Variants in SLCO3A1 observed in about 807,000 individuals in gnomAD.
The protein encoded by SLCO3A1 is solute carrier organic anion transporter family member 3A1.
In SLCO3A1, 27 loss-of-function variants were observed where a neutral mutation model predicts 63.1. The observed-to-expected ratio is 0.43, with a 90% CI of 0.32 to 0.59. The LOEUF is 0.59. Among genes scored for constraint, SLCO3A1 ranks in the 20% least tolerant of loss-of-function variants. SLCO3A1 has a pLI of 0.09. For synonymous variants in SLCO3A1, 473 were observed against 409.9 expected, an observed-to-expected ratio of 1.15 and a Z score of -1.86; for missense variants, 773 against 945.8, an observed-to-expected ratio of 0.82 and a Z score of 2.40.
rs533809974 is a variant in SLCO3A1 at position 92,137,237 on chromosome 15, T to C, written c.1512+8748T>C. Among the ~76,000 whole-genome samples, 25 of 125,036 alleles carry C rather than the reference T, an allele frequency of 2.0e-4. 1 individual carries two copies. The highest frequency in any genetic ancestry group is 3.5e-3 in the Middle Eastern group (1 of 286). 82.0% of individuals were successfully genotyped at this position (125,036 alleles called of 152,430 possible). ...GAATATGCTGTGTTTGGTTTTTTGT[T>C]CTTGTGATAGTTTACTGAGAATGAT... On this transcript the variant is annotated intron_variant, in intron 7 of 9. Transcript: ENST00000318445.
chr15:91,990,699 G>T (rs1288610671), intron 2 of SLCO3A1, among the ~76,000 whole-genome samples: 1 of 151,078 alleles, frequency 6.6e-6, no homozygotes, highest in Non-Finnish European at 1.5e-5. Flanking sequence ...AAACCCTCCT[G>T]CCTTTCCAGA....
At chr15:91,998,370 C>T (rs12907322) in intron 2 of SLCO3A1, among the ~76,000 whole-genome samples, 4,906 of 152,158 alleles carry the variant, frequency 0.032, 103 homozygotes, top group Non-Finnish European at 0.048. Flanking sequence ...ACGAGAATCA[C>T]TTGACCCTGG....
At chr15:92,129,150 G>A (rs1009209703) in intron 7 of SLCO3A1, among the ~76,000 whole-genome samples, 5 of 152,198 alleles carry the variant, frequency 3.3e-5, no homozygotes, top group East Asian at 3.9e-4. Context: ...TGGAGGCCCC[G>A]CCCCCATCTC....
At chr15:91,889,355 C>T in intron 1 of SLCO3A1, 1 of 350,698 alleles carries the variant, frequency 2.9e-6, no homozygotes, top group Non-Finnish European at 5.5e-6. Flanking sequence ...TTATCCTAGC[C>T]CTTCAATTTC....
At chr15:92,039,809 C>G (rs1325718858) in intron 2 of SLCO3A1, among the ~76,000 whole-genome samples, 1 of 152,106 alleles carries the variant, frequency 6.6e-6, no homozygotes, top group African/African-American at 2.4e-5. Flanking sequence ...AGACATGGAA[C>G]CAACCCAAAT....
At position 92,163,189 on chromosome 15, in the gene SLCO3A1, TAAAAAAAG is replaced by T. The variant is rs2048462282; in HGVS notation, c.*63_*70del. ...AGTAATCCAAGGGTCATTTTTTTCTTAAAAAAAGAAAAAAAGGTTCCAAAAAAAACCAA... is the reference window on the plus strand; with the variant it reads ...AGTAATCCAAGGGTCATTTTTTTCTTAAAAAAAGGTTCCAAAAAAAACCAA... On this transcript the variant is annotated 3_prime_UTR_variant, in exon 10 of 10. Transcript: ENST00000318445. 1 of 1,413,864 alleles carries T rather than the reference TAAAAAAAG, an allele frequency of 7.1e-7. No homozygotes were observed. Among genetic ancestry groups the T allele is most frequent in the South Asian group, 1.8e-5 (1 of 54,520 alleles). The allele number at this position is 1,413,864 out of a possible 1,614,324, so 87.6% of individuals were successfully genotyped here.
intron 2 of SLCO3A1, among the ~76,000 whole-genome samples, chr15:91,981,183 C>T (rs770278417): frequency 6.6e-5 from 10 of 152,106 alleles, no homozygotes; most frequent in Non-Finnish European, 1.0e-4. Flanking sequence ...GGATGCCTGG[C>T]CTTCCGGCTG....
chr15:92,016,233 A>ATAGATAGAT (rs1555424408), intron 2 of SLCO3A1, among the ~76,000 whole-genome samples: 36 of 59,364 alleles, frequency 6.1e-4, no homozygotes, highest in African/African-American at 3.1e-3. Context: ...AGATAGATAG[A>ATAGATAGAT]TAGATAGATA....
At chr15:91,939,176 A>T (rs1176286153) in intron 2 of SLCO3A1, among the ~76,000 whole-genome samples, 1 of 152,124 alleles carries the variant, frequency 6.6e-6, no homozygotes, top group Non-Finnish European at 1.5e-5. Flanking sequence ...GCTTCCAATC[A>T]TGGTAGAAGG....
At chr15:91,983,506 A>G (rs778868532) in intron 2 of SLCO3A1, among the ~76,000 whole-genome samples, 60 of 152,134 alleles carry the variant, frequency 3.9e-4, no homozygotes, top group Non-Finnish European at 1.2e-4. Flanking sequence ...CTTAATCTTT[A>G]ATTGACTGTC....
At chr15:91,890,740 G>C (rs1342074937) in intron 1 of SLCO3A1, among the ~76,000 whole-genome samples, 1 of 152,162 alleles carries the variant, frequency 6.6e-6, no homozygotes, top group African/African-American at 2.4e-5. Flanking sequence ...TTTCCCCAGA[G>C]TTTTCTGGTC....
At chr15:92,141,407 A>G (rs894595855) in intron 7 of SLCO3A1, among the ~76,000 whole-genome samples, 1 of 152,196 alleles carries the variant, frequency 6.6e-6, no homozygotes, top group East Asian at 1.9e-4. Context: ...GGGAGTCTAC[A>G]GGTCAGTTCC....
At chr15:92,168,941 G>C (rs796309100), downstream of SLCO3A1, among the ~76,000 whole-genome samples, 4 of 152,212 alleles carry the variant, frequency 2.6e-5, no homozygotes, top group African/African-American at 7.2e-5. Flanking sequence ...GTTCAAACTA[G>C]AAAAAGAAGA....
chr15:92,132,287 G>A (rs937777405), intron 7 of SLCO3A1, among the ~76,000 whole-genome samples: 2 of 145,650 alleles, frequency 1.4e-5, no homozygotes, highest in Non-Finnish European at 1.5e-5. Flanking sequence ...AATCTGATTA[G>A]TGTTAGTGGT....
chr15:92,036,044 A>C (rs991029034), intron 2 of SLCO3A1, among the ~76,000 whole-genome samples: 3 of 146,878 alleles, frequency 2.0e-5, no homozygotes, highest in African/African-American at 7.3e-5. Context: ...GCCACTGCCC[A>C]GGGCTTGGAC....
rs1256629652 is a variant in SLCO3A1 at position 91,912,423 on chromosome 15, C to T, written c.181-3570C>T. ...AAGACCGTACTACTTCCTGTCACCC[C>T]TGTGCGTTGCTCTGCAAAGAGCAGG... On this transcript the variant is annotated intron_variant, in intron 1 of 9. Transcript: ENST00000318445. The surrounding 1 kb of genome is among the most constrained non-coding windows in gnomAD (Gnocchi z 5.0). Among the ~76,000 whole-genome samples, 1 of 152,194 alleles carries T rather than the reference C, an allele frequency of 6.6e-6. No individual in the cohort carries two copies. Among genetic ancestry groups the T allele is most frequent in the Non-Finnish European group, 1.5e-5 (1 of 68,034 alleles).
downstream of SLCO3A1, among the ~76,000 whole-genome samples, chr15:92,168,679 G>A (rs918322819): frequency 4.6e-5 from 7 of 152,188 alleles, no homozygotes; most frequent in African/African-American, 1.4e-4. Flanking sequence ...AAGGGACCCT[G>A]AGCTAGGTGT....
At chr15:92,127,551 C>T (rs544195029) in intron 6 of SLCO3A1, among the ~76,000 whole-genome samples, 22 of 152,244 alleles carry the variant, frequency 1.4e-4, no homozygotes, top group Middle Eastern at 3.4e-3. Flanking sequence ...TGCCGGGTGT[C>T]GCCATCGTCA....
chr15:92,014,336 G>A (rs2046401624), intron 2 of SLCO3A1, among the ~76,000 whole-genome samples: 1 of 152,164 alleles, frequency 6.6e-6, no homozygotes, highest in Non-Finnish European at 1.5e-5. Flanking sequence ...GTGGGTGGCA[G>A]AGAGGCAAAG....
Sources: gnomAD v4.1 joint callset for allele counts (sites outside exome capture counted in the v4.1 genomes callset) on GRCh38, gnomAD v4.1.1 for gene constraint, Gnocchi (gnomAD v3.1) non-coding constraint, MANE v1.5 for transcripts, NCBI Gene and HGNC (gene_info 2026-07-23, HGNC 2026-07-21) for gene names.